The following NFKB1 variants were observed in gnomAD, a reference collection of about 807,000 sequenced individuals.
NFKB1 encodes the protein nuclear factor kappa B subunit 1.
In NFKB1, 9 loss-of-function variants were observed where a neutral mutation model predicts 105.1. The ratio of observed to expected loss-of-function variants is 0.09; its 90% CI spans 0.05 to 0.15. NFKB1 has a LOEUF of 0.15. Among genes scored for constraint, NFKB1 ranks in the 10% least tolerant of loss-of-function variants. NFKB1 has a pLI of 1.00. For synonymous variants in NFKB1, 440 were observed against 442.2 expected, an observed-to-expected ratio of 1.00 and a Z score of 0.06; for missense variants, 830 against 1,203.7, an observed-to-expected ratio of 0.69 and a Z score of 4.59.
At chr4:102,615,829 T>G (rs1422922849) in intron 23 of NFKB1, among the ~76,000 whole-genome samples, 2 of 152,252 alleles carry the variant, frequency 1.3e-5, no homozygotes, top group African/African-American at 4.8e-5. Context: ...ATGTTAGACT[T>G]CTGTTTCCTT....
chr4:102,539,678 A>T (rs533272596), intron 5 of NFKB1, among the ~76,000 whole-genome samples: 24 of 152,282 alleles, frequency 1.6e-4, no homozygotes, highest in Admixed American at 3.9e-4. Flanking sequence ...TATCTCTTTT[A>T]ATCTCTTAGA....
At position 102,542,335 on chromosome 4, in the gene NFKB1, C is replaced by T. The variant is rs140155466; in HGVS notation, c.258+4379C>T. On this transcript the variant is annotated intron_variant, in intron 5 of 23. Coordinates refer to ENST00000226574, the MANE Select transcript of NFKB1 (RefSeq NM_003998.4). ...AAGAAGAAAATTTCCATTTAGCTTT[C>T]TGATATCTTGCTGTGCAAGTCTTCA... Among the ~76,000 whole-genome samples the T allele has an allele frequency of 2.6e-5, 4 of 152,218 alleles. No individual in the cohort carries two copies. In the East Asian group the frequency reaches 7.7e-4, roughly 29 times the overall value.
intron 1 of NFKB1, among the ~76,000 whole-genome samples, chr4:102,515,255 C>A (rs372081297): frequency 1.3e-5 from 2 of 148,516 alleles, no homozygotes; most frequent in Non-Finnish European, 3.0e-5. Context: ...GGACTACAGG[C>A]GCCCGCCACT....
intron 2 of NFKB1, among the ~76,000 whole-genome samples, chr4:102,527,746 T>A (rs170731): frequency 0.7 from 106,887 of 151,938 alleles, 38,404 homozygotes; most frequent in African/African-American, 0.84. Context: ...TTCGCTTTTA[T>A]TGTGCTTTCT....
chr4:102,545,854 G>A (rs1722095744), intron 5 of NFKB1, among the ~76,000 whole-genome samples: 1 of 152,118 alleles, frequency 6.6e-6, no homozygotes, highest in Non-Finnish European at 1.5e-5. Flanking sequence ...TAATTGAATA[G>A]ATATTCAATG....
At chr4:102,591,571 C>T (rs952026557) in intron 11 of NFKB1, among the ~76,000 whole-genome samples, 1 of 152,028 alleles carries the variant, frequency 6.6e-6, no homozygotes, top group Non-Finnish European at 1.5e-5. Flanking sequence ...GTAAATGGAA[C>T]AAGAAAACCT....
At chr4:102,574,852 A>G (rs534539744) in intron 6 of NFKB1, among the ~76,000 whole-genome samples, 2 of 152,204 alleles carry the variant, frequency 1.3e-5, no homozygotes, top group South Asian at 2.1e-4. Context: ...CATTATTCAC[A>G]TAATAAATTA....
chr4:102,604,413 A>G (rs1453108072), intron 16 of NFKB1, among the ~76,000 whole-genome samples: 2 of 152,176 alleles, frequency 1.3e-5, no homozygotes, highest in East Asian at 1.9e-4. Flanking sequence ...AACATCCTGC[A>G]TAACCTCAGA....
chr4:102,590,971 G>A (rs1326107350), intron 11 of NFKB1, among the ~76,000 whole-genome samples: 2 of 152,164 alleles, frequency 1.3e-5, no homozygotes, highest in African/African-American at 2.4e-5. Context: ...CTAATCCAGA[G>A]AAAGGCCTTA....
At chr4:102,550,999 A>G (rs1456923872) in intron 5 of NFKB1, among the ~76,000 whole-genome samples, 1 of 152,232 alleles carries the variant, frequency 6.6e-6, no homozygotes, top group Non-Finnish European at 1.5e-5. Context: ...AATTTTTAAA[A>G]TAGGTGTATA....
chr4:102,532,273 TA>T (rs1741341297), intron 3 of NFKB1, among the ~76,000 whole-genome samples: 1 of 152,166 alleles, frequency 6.6e-6, no homozygotes, highest in Admixed American at 6.6e-5. Context: ...GAAGTAATTA[TA>T]CCCTTGTTTT....
intron 5 of NFKB1, among the ~76,000 whole-genome samples, chr4:102,554,860 CTG>C (rs758264812): frequency 6.6e-6 from 1 of 152,170 alleles, no homozygotes; most frequent in Non-Finnish European, 1.5e-5. Context: ...AATAGGAAAA[CTG>C]TGTCTCAAGG....
chr4:102,598,842 C>G (rs1033090934), intron 15 of NFKB1, among the ~76,000 whole-genome samples: 2 of 152,134 alleles, frequency 1.3e-5, no homozygotes, highest in Non-Finnish European at 2.9e-5. Flanking sequence ...GGAAGGGATA[C>G]AAGGCGAGGC....
At chr4:102,577,753 C>A (rs1040810395) in intron 7 of NFKB1, 204 of 906,860 alleles carry the variant, frequency 2.2e-4, no homozygotes, top group Admixed American at 4.3e-4. Context: ...ACTGACTCCC[C>A]CTCCTCGCCT....
intron 5 of NFKB1, among the ~76,000 whole-genome samples, chr4:102,551,442 T>C (rs1421990006): frequency 6.6e-6 from 1 of 151,894 alleles, no homozygotes; most frequent in Non-Finnish European, 1.5e-5. Flanking sequence ...GATCACCTCC[T>C]GGCTAGATAG....
At chr4:102,560,279 A>G (rs1411454367) in intron 5 of NFKB1, among the ~76,000 whole-genome samples, 2 of 152,218 alleles carry the variant, frequency 1.3e-5, no homozygotes, top group Non-Finnish European at 1.5e-5. Flanking sequence ...GTAAGCAGCT[A>G]TATCTGATGT....
At chr4:102,588,544 C>G (rs1434874124) in intron 11 of NFKB1, among the ~76,000 whole-genome samples, 1 of 151,870 alleles carries the variant, frequency 6.6e-6, no homozygotes, top group Non-Finnish European at 1.5e-5. Flanking sequence ...AAGGTATGGC[C>G]AAGATAAATG....
intron 8 of NFKB1, 112 bp downstream of exon 8, chr4:102,579,151 C>G: frequency 9.7e-7 from 1 of 1,031,778 alleles, no homozygotes; most frequent in Non-Finnish European, 1.4e-6. Context: ...CTTTAAGCCT[C>G]AGCTTTATCA....
chr4:102,568,875 A>G (rs1400491014), intron 6 of NFKB1, among the ~76,000 whole-genome samples: 1 of 152,106 alleles, frequency 6.6e-6, no homozygotes, highest in Non-Finnish European at 1.5e-5. Context: ...CTCATTCAAC[A>G]AACATTTTGA....
Sources: allele counts gnomAD v4.1 joint callset (sites outside exome capture counted in the v4.1 genomes callset), GRCh38; gene constraint gnomAD v4.1.1; transcripts MANE v1.5; gene names NCBI Gene and HGNC (gene_info 2026-07-23, HGNC 2026-07-21).